The following ACTR3C variants were observed in gnomAD, a reference collection of about 807,000 sequenced individuals.
ACTR3C encodes the protein actin-related protein 3C.
ACTR3C carries 18 observed loss-of-function variants against 26.3 expected under a neutral mutation model. The observed-to-expected ratio is 0.68, with a 90% CI of 0.47 to 1.01. The LOEUF is 1.01. Among genes scored for constraint, ACTR3C ranks in the 50% least tolerant of loss-of-function variants. The pLI, the probability that ACTR3C is intolerant of heterozygous loss-of-function variation, is 0.00. For synonymous variants in ACTR3C, 55 were observed against 94.5 expected, an observed-to-expected ratio of 0.58 and a Z score of 2.42; for missense variants, 184 against 250.7, an observed-to-expected ratio of 0.73 and a Z score of 1.80.
At chr7:150,044,143 T>A in the ACTR3C span, among the ~76,000 whole-genome samples, 1 of 152,096 alleles carries the variant, frequency 6.6e-6, no homozygotes, top group Admixed American at 6.5e-5. Context: ...TTAAAAAAAC[T>A]ACTGCTCTAA....
chr7:150,185,276 CGTGTGTGTGTGTGTGTGTGTGT>C, the ACTR3C span, among the ~76,000 whole-genome samples: 5 of 140,876 alleles, frequency 3.5e-5, no homozygotes, highest in African/African-American at 5.2e-5. Context: ...AAATGTCAGG[CGTGTGTGTGTGTGTGTGTGTGT>C]GTGTGTGTGT....
chr7:150,146,280 G>T, the ACTR3C span, among the ~76,000 whole-genome samples: 1 of 152,038 alleles, frequency 6.6e-6, no homozygotes, highest in African/African-American at 2.4e-5. Context: ...CGGTGTCAAT[G>T]CTAGTTCTGT....
the ACTR3C span, among the ~76,000 whole-genome samples, chr7:150,044,049 T>C: frequency 6.6e-6 from 1 of 152,220 alleles, no homozygotes; most frequent in Non-Finnish European, 1.5e-5. Context: ...TTTGCTGCTT[T>C]AAAATCCTGT....
At chr7:150,258,452 A>G (rs1833385111) in intron 6 of ACTR3C, among the ~76,000 whole-genome samples, 1 of 151,598 alleles carries the variant, frequency 6.6e-6, no homozygotes, top group Admixed American at 6.6e-5. Flanking sequence ...TTTGGAGCAC[A>G]GAGGGCTATG....
chr7:150,156,644 A>G, the ACTR3C span, among the ~76,000 whole-genome samples: 4 of 152,192 alleles, frequency 2.6e-5, no homozygotes, highest in East Asian at 7.7e-4. Flanking sequence ...AGAAGAAAAG[A>G]AAAACTGAGA....
chr7:150,033,713 C>A, the ACTR3C span, among the ~76,000 whole-genome samples: 8 of 151,708 alleles, frequency 5.3e-5, no homozygotes, highest in African/African-American at 1.4e-4. Context: ...GTACTAACAA[C>A]CAGGGGCGGA....
intron 5 of ACTR3C, among the ~76,000 whole-genome samples, chr7:150,285,187 T>C (rs1835673407): frequency 6.6e-6 from 1 of 152,096 alleles, no homozygotes; most frequent in Non-Finnish European, 1.5e-5. Flanking sequence ...GTGAGAAACA[T>C]GACTTTGACA....
At chr7:149,921,290 C>A in the ACTR3C span, among the ~76,000 whole-genome samples, 1 of 152,166 alleles carries the variant, frequency 6.6e-6, no homozygotes, top group South Asian at 2.1e-4. Context: ...CCACAGCTTC[C>A]ATCTTCTTTC....
At chr7:150,011,084 C>A in the ACTR3C span, among the ~76,000 whole-genome samples, 4 of 150,968 alleles carry the variant, frequency 2.6e-5, no homozygotes, top group African/African-American at 9.7e-5. Context: ...AGTTGCCTAA[C>A]CCTGCTCACC....
the ACTR3C span, among the ~76,000 whole-genome samples, chr7:150,034,357 A>G: frequency 6.6e-6 from 1 of 151,738 alleles, no homozygotes. Flanking sequence ...TCTGACGCAT[A>G]CAATGGAAAA....
At chr7:150,018,919 G>GTC in the ACTR3C span, among the ~76,000 whole-genome samples, 3 of 150,288 alleles carry the variant, frequency 2.0e-5, no homozygotes, top group Non-Finnish European at 4.4e-5. Context: ...AATGGTGTGT[G>GTC]TGTGTGTGTG....
At chr7:150,227,691 T>TTTTTTTG in the ACTR3C span, among the ~76,000 whole-genome samples, 1 of 140,686 alleles carries the variant, frequency 7.1e-6, no homozygotes. Context: ...TGTCTGGGTT[T>TTTTTTTG]TTTTTTTTTG....
At chr7:150,175,065 A>G in the ACTR3C span, among the ~76,000 whole-genome samples, 1 of 146,474 alleles carries the variant, frequency 6.8e-6, no homozygotes, top group Non-Finnish European at 1.5e-5. Context: ...GCATAGGAAC[A>G]TCTCACAAAG....
chr7:150,253,379 C>T (rs1832979065), intron 6 of ACTR3C, among the ~76,000 whole-genome samples: 1 of 152,130 alleles, frequency 6.6e-6, no homozygotes, highest in Admixed American at 6.5e-5. Context: ...TCCACTGAAG[C>T]TGTTTGGGGT....
the ACTR3C span, among the ~76,000 whole-genome samples, chr7:150,226,211 T>C: frequency 1.1e-4 from 16 of 152,338 alleles, no homozygotes; most frequent in African/African-American, 3.6e-4. Flanking sequence ...TGGGTAGATA[T>C]CTAGGAAAGT....
At chr7:150,043,883 C>A in the ACTR3C span, among the ~76,000 whole-genome samples, 1 of 152,156 alleles carries the variant, frequency 6.6e-6, no homozygotes, top group African/African-American at 2.4e-5. Context: ...CCCAAGGACA[C>A]ATTAACAGAA....
the ACTR3C span, among the ~76,000 whole-genome samples, chr7:150,059,980 G>A: frequency 6.6e-6 from 1 of 152,208 alleles, no homozygotes; most frequent in Non-Finnish European, 1.5e-5. Context: ...CCCAGAATAT[G>A]TGGGAAAAAA....
At chr7:150,099,964 A>G in the ACTR3C span, among the ~76,000 whole-genome samples, 1 of 151,656 alleles carries the variant, frequency 6.6e-6, no homozygotes. Flanking sequence ...TGGCACCCAT[A>G]AGTATCCAGG....
the ACTR3C span, among the ~76,000 whole-genome samples, chr7:150,054,109 G>A: frequency 3.6e-3 from 553 of 152,278 alleles, 3 homozygotes; most frequent in Middle Eastern, 6.8e-3. Flanking sequence ...ATGTTCAGTG[G>A]GACAGTCTGA....
Sources: gnomAD v4.1 joint callset for allele counts (sites outside exome capture counted in the v4.1 genomes callset) on GRCh38, gnomAD v4.1.1 for gene constraint, MANE v1.5 for transcripts, NCBI Gene and HGNC (gene_info 2026-07-23, HGNC 2026-07-21) for gene names.